Variants in TBX2 observed in about 807,000 individuals in gnomAD.
TBX2 encodes T-box transcription factor 2.
A neutral mutation model predicts 48.4 loss-of-function variants in TBX2; 19 were observed. The ratio of observed to expected loss-of-function variants is 0.39; its 90% CI spans 0.27 to 0.58. The LOEUF (loss-of-function observed/expected upper bound fraction) is 0.58. Among genes scored for constraint, TBX2 ranks in the 20% least tolerant of loss-of-function variants. The probability of loss-of-function intolerance (pLI) is 0.54; values close to 1 mark genes in which losing one functional copy is unlikely to be tolerated. For missense variants in TBX2, 994 were observed against 1,006.5 expected, an observed-to-expected ratio of 0.99 and a Z score of 0.17; for synonymous variants, 522 against 459.7, an observed-to-expected ratio of 1.14 and a Z score of -1.73.
intron 6 of TBX2, chr17:61,407,654 G>A (rs967320934): frequency 4.5e-5 from 8 of 179,476 alleles, no homozygotes; most frequent in South Asian, 1.8e-4. Context: ...AGGAGGGGTG[G>A]CGAGGACACT....
Position 61,403,417 on chromosome 17 carries a change from C to A in TBX2, c.810+210C>A, listed in dbSNP as rs935986143. On this transcript the variant is annotated intron_variant, in intron 3 of 6. Coordinates refer to ENST00000240328, the MANE Select transcript of TBX2 (RefSeq NM_005994.4). The surrounding 1 kb of genome is among the most constrained non-coding windows in gnomAD (Gnocchi z 5.8). ...CAATCCCACCGCGCGCACACACAGGCTCCCCTGGGGCGAGCGAACAGCTGG... is the reference window on the plus strand; with the variant it reads ...CAATCCCACCGCGCGCACACACAGGATCCCCTGGGGCGAGCGAACAGCTGG... 1.3e-5 allele frequency among the ~76,000 whole-genome samples: 2 copies of A among 152,272 alleles called. No individual in the cohort carries two copies. Among genetic ancestry groups the A allele is most frequent in the African/African-American group, 4.8e-5 (2 of 41,480 alleles).
Position 61,408,431 on chromosome 17 carries a change from G to T in TBX2, c.2064G>T (p.Leu688=), listed in dbSNP as rs1037683921. 10 of 1,526,916 alleles carry T rather than the reference G, an allele frequency of 6.5e-6. No individual in the cohort carries two copies. The African/African-American group carries it at 1.1e-4, about 17-fold the overall frequency. 94.6% of individuals were successfully genotyped at this position (1,526,916 alleles called of 1,614,324 possible). The change falls in exon 7 of 7, where the codon CTG becomes CTT. Residue 688 remains leucine, a synonymous_variant. Transcript: ENST00000240328. ...CGGCCAAGGAGGCGGCCAATGAACT[G>T]CAGAGCATCCAGAGACTGGTGAGTG... ...SGSAKEAANE[L]QSIQRLVSGL...
Position 61,401,960 on chromosome 17 carries a change from T to TG in TBX2, c.663+13dup. 2 of 1,583,098 alleles carry TG rather than the reference T, an allele frequency of 1.3e-6. No individual in the cohort carries two copies. Among genetic ancestry groups the TG allele is most frequent in the Non-Finnish European group, 1.7e-6 (2 of 1,163,312 alleles). Reference sequence around the variant, plus strand: ...CTGACAAGCACGGCTTCGTGAGTGTTGGGGCAGGGTGGGGACGGTGCAGGA... The same window carrying TG: ...CTGACAAGCACGGCTTCGTGAGTGTTGGGGGCAGGGTGGGGACGGTGCAGGA... On this transcript the variant is annotated intron_variant, in intron 2 of 6. Coordinates refer to ENST00000240328, the MANE Select transcript of TBX2 (RefSeq NM_005994.4).
chr17:61,403,024 G>C lies in TBX2; in HGVS notation c.664-37G>C, dbSNP rs182140577. 4.8e-5 allele frequency: 76 copies of C among 1,586,668 alleles called. No individual in the cohort carries two copies. The East Asian group carries it at 1.6e-3, about 32-fold the overall frequency. ...AAAGAATAGAAAAGCTCGGGCCGGGGCTGGTGGCTGCCGGCTGACCCCCAC... is the reference window on the plus strand; with the variant it reads ...AAAGAATAGAAAAGCTCGGGCCGGGCCTGGTGGCTGCCGGCTGACCCCCAC... On this transcript the variant is annotated intron_variant, in intron 2 of 6. Transcript: ENST00000240328. This position sits in a 1 kb window ranked among gnomAD's most constrained non-coding sequence, Gnocchi z 5.8.
At chr17:61,401,603 G>C in intron 1 of TBX2, 81 bp from the exon 2 acceptor site, 1 of 1,517,656 alleles carries the variant, frequency 6.6e-7, no homozygotes, top group Non-Finnish European at 8.8e-7. Flanking sequence ...GCAACGAGGA[G>C]GGATAAATAA....
Position 61,405,248 on chromosome 17 carries a change from G to A in TBX2, c.1098G>A (p.Arg366=). 6.4e-7 allele frequency: 1 copy of A among 1,572,872 alleles called. No individual in the cohort carries two copies. The highest frequency in any genetic ancestry group is 1.3e-5 in the African/African-American group (1 of 74,364). Residue 366 remains arginine (R), a synonymous_variant, in exon 6 of 7, where the codon CGG becomes CGA. Transcript: ENST00000240328. The part of the protein sequence containing the change: ...CAADSDPEPE[R]LSEERAGAPL... The stretch of plus-strand genomic sequence containing the variant: ...CGGACAGCGACCCGGAGCCTGAGCG[G>A]TTGAGCGAGGAGCGTGCGGGGGCGC...
At chr17:61,405,157 G>A in intron 5 of TBX2, 45 bp from the exon 6 acceptor site, 1 of 1,466,150 alleles carries the variant, frequency 6.8e-7, no homozygotes, top group East Asian at 2.5e-5. Context: ...CCTGCTCGTC[G>A]GCCTCCGCCC....
Position 61,400,404 on chromosome 17 carries a change from C to A in TBX2, c.228C>A (p.His76Gln), listed in dbSNP as rs549885020. ...CAGCAGCGGCCGAGGCGGGGCTGCACGTCTCGGCACTGGGCCCGCACCCGC... is the reference window on the plus strand; with the variant it reads ...CAGCAGCGGCCGAGGCGGGGCTGCAAGTCTCGGCACTGGGCCCGCACCCGC... ...AAAAAAEAGL[H>Q]VSALGPHPPA... is the part of the protein sequence containing the mutation. Residue 76 changes from histidine to glutamine, a missense_variant, in exon 1 of 7, where the codon CAC becomes CAA. Physicochemically the swap from His to Gln is conservative, Grantham distance 24. Around this residue, in one of 5 missense-constraint regions of TBX2, gnomAD observed 165 missense variants for 136.8 expected, o/e 1.21. Coordinates refer to ENST00000240328, the MANE Select transcript of TBX2 (RefSeq NM_005994.4). The surrounding 1 kb of genome is among the most constrained non-coding windows in gnomAD (Gnocchi z 9.2). The A allele has an allele frequency of 1.4e-4, 209 of 1,488,184 alleles. No individual in the cohort carries two copies. In the African/African-American group the frequency reaches 2.5e-3, roughly 18 times the overall value. The allele number at this position is 1,488,184 out of a possible 1,614,324, so 92.2% of individuals were successfully genotyped here.
intron 2 of TBX2, 96 bp from the exon 3 acceptor site, chr17:61,402,965 A>AGG (rs1244559451): frequency 0.012 from 2,290 of 186,066 alleles, 115 homozygotes; most frequent in African/African-American, 0.033. Flanking sequence ...AGAGAGAGAG[A>AGG]GAGAGAAAGT....
At position 61,408,435 on chromosome 17, in the gene TBX2, A is replaced by G; in HGVS notation, c.2068A>G (p.Ser690Gly). ...CAAGGAGGCGGCCAATGAACTGCAG[A>G]GCATCCAGAGACTGGTGAGTGGGCT... The part of the protein sequence containing the change: ...SAKEAANELQ[S>G]IQRLVSGLES... The change falls in exon 7 of 7, where the codon AGC (serine) becomes GGC (glycine). Residue 690 changes from serine (S) to glycine (G), a missense_variant. Physicochemically the swap from Ser to Gly is moderately conservative, Grantham distance 56 (BLOSUM62 0). Around this residue, in one of 5 missense-constraint regions of TBX2, gnomAD observed 639 missense variants for 613.2 expected, o/e 1.04. Transcript: ENST00000240328. 1 of 1,518,848 alleles carries G rather than the reference A, an allele frequency of 6.6e-7. No homozygotes were observed. The highest frequency in any genetic ancestry group is 8.8e-7 in the Non-Finnish European group (1 of 1,131,510). 94.1% of individuals were successfully genotyped at this position (1,518,848 alleles called of 1,614,324 possible).
Position 61,405,700 on chromosome 17 carries a change from G to C in TBX2, c.1550G>C (p.Gly517Ala), listed in dbSNP as rs537498833. 5.8e-6 allele frequency: 8 copies of C among 1,379,296 alleles called. No individual in the cohort carries two copies. Among genetic ancestry groups the C allele is most frequent in the Non-Finnish European group, 7.5e-6 (8 of 1,071,644 alleles). The allele number at this position is 1,379,296 out of a possible 1,614,324, so 85.4% of individuals were successfully genotyped here. Residue 517 changes from glycine to alanine, a missense_variant, in exon 6 of 7, where the codon GGC (glycine) becomes GCC (alanine). Physicochemically the swap from Gly to Ala is moderately conservative, Grantham distance 60 (BLOSUM62 0). Transcript: ENST00000240328. The stretch of plus-strand genomic sequence containing the variant: ...GGTCACCTACTGGCCTCGGTGGCAG[G>C]CGGCGGCAACGGCGGAGGTGGCGGG... ...GMGHLLASVA[G>A]GGNGGGGGPG...
At position 61,400,662 on chromosome 17, in the gene TBX2, G is replaced by A; in HGVS notation, c.395+91G>A. On this transcript the variant is annotated intron_variant, in intron 1 of 6. Coordinates refer to ENST00000240328, the MANE Select transcript of TBX2 (RefSeq NM_005994.4). This position sits in a 1 kb window ranked among gnomAD's most constrained non-coding sequence, Gnocchi z 9.2. ...GATCAGAGCAGAGCTGGGGACTCCC[G>A]GCTCCCGGCTCCCGGCTCCAGGTTC... The A allele has an allele frequency of 1.0e-5, 12 of 1,161,182 alleles. No individual in the cohort carries two copies. Among genetic ancestry groups the A allele is most frequent in the African/African-American group, 1.6e-5 (1 of 62,226 alleles). The allele number at this position is 1,161,182 out of a possible 1,614,324, so 71.9% of individuals were successfully genotyped here.
Position 61,403,235 on chromosome 17 carries a change from C to T in TBX2, c.810+28C>T. Reference sequence around the variant, plus strand: ...GCGCGCGGCGGGCGGTGGGCTAAGCCCCTGCACTGACGCCCCTCAACACGT... The same window carrying T: ...GCGCGCGGCGGGCGGTGGGCTAAGCTCCTGCACTGACGCCCCTCAACACGT... On this transcript the variant is annotated intron_variant, in intron 3 of 6. Coordinates refer to ENST00000240328, the MANE Select transcript of TBX2 (RefSeq NM_005994.4). The surrounding 1 kb of genome is among the most constrained non-coding windows in gnomAD (Gnocchi z 5.8). The T allele has an allele frequency of 6.2e-7, 1 of 1,608,044 alleles. No homozygotes were observed. The highest frequency in any genetic ancestry group is 8.5e-7 in the Non-Finnish European group (1 of 1,179,436).
chr17:61,405,211 AGTC>A lies in TBX2; in HGVS notation c.1064_1066del (p.Ser355del), dbSNP rs1225878314. On this transcript the variant is annotated inframe_deletion, in exon 6 of 7. Coordinates refer to ENST00000240328, the MANE Select transcript of TBX2 (RefSeq NM_005994.4). Reference sequence around the variant, plus strand: ...CGCCCTCTCCCCGCAGCTGAGGAGAAGTCGTGCGCCGCGGACAGCGACCCGGAG... The same window carrying A: ...CGCCCTCTCCCCGCAGCTGAGGAGAAGTGCGCCGCGGACAGCGACCCGGAG... 2 of 1,538,902 alleles carry A rather than the reference AGTC, an allele frequency of 1.3e-6. No homozygotes were observed. The highest frequency in any genetic ancestry group is 3.9e-5 in the Admixed American group (2 of 51,130).
At position 61,403,929 on chromosome 17, in the gene TBX2, G is replaced by T. The variant is rs1331135184; in HGVS notation, c.811-492G>T. Among the ~76,000 whole-genome samples, 4 of 152,278 alleles carry T rather than the reference G, an allele frequency of 2.6e-5. No individual in the cohort carries two copies. Among genetic ancestry groups the T allele is most frequent in the African/African-American group, 9.6e-5 (4 of 41,566 alleles). ...GGGCTGTGCGTGCCCCGTTTGGGGT[G>T]TGTTGGATACCTGTGGAGGCATGTG... On this transcript the variant is annotated intron_variant, in intron 3 of 6. Transcript: ENST00000240328. This position sits in a 1 kb window ranked among gnomAD's most constrained non-coding sequence, Gnocchi z 5.8.
chr17:61,404,537 C>T, intron 4 of TBX2, 40 bp downstream of exon 4: 1 of 1,588,536 alleles, frequency 6.3e-7, no homozygotes, highest in Non-Finnish European at 8.6e-7. Context: ...CGGGTGCCCG[C>T]GGGAGCAGCG....
At position 61,400,278 on chromosome 17, in the gene TBX2, G is replaced by A; in HGVS notation, c.102G>A (p.Gln34=). The part of the protein sequence containing the change: ...FPMSAFLAAA[Q]PSFFPALALP... ...TGTCCGCCTTTCTGGCGGCGGCGCA[G>A]CCCTCCTTCTTCCCGGCACTCGCGC... The change falls in exon 1 of 7, where the codon CAG becomes CAA. Residue 34 remains glutamine (Q), a synonymous_variant. Coordinates refer to ENST00000240328, the MANE Select transcript of TBX2 (RefSeq NM_005994.4). This position sits in a 1 kb window ranked among gnomAD's most constrained non-coding sequence, Gnocchi z 9.2. The A allele has an allele frequency of 8.5e-7, 1 of 1,177,074 alleles. No homozygotes were observed. 72.9% of individuals were successfully genotyped at this position (1,177,074 alleles called of 1,614,324 possible). A position where few individuals can be genotyped will look rare whatever the true frequency, so the allele number is the denominator to read the frequency against.
chr17:61,404,658 G>C lies in TBX2; in HGVS notation c.940G>C (p.Glu314Gln). 1 of 1,588,728 alleles carries C rather than the reference G, an allele frequency of 6.3e-7. No homozygotes were observed. Among genetic ancestry groups the C allele is most frequent in the South Asian group, 1.1e-5 (1 of 88,032 alleles). Residue 314 changes from glutamate to glutamine, a missense_variant, in exon 5 of 7, where the codon GAG becomes CAG. Physicochemically the swap from Glu to Gln is conservative, Grantham distance 29. Around this residue, in one of 5 missense-constraint regions of TBX2, gnomAD observed 639 missense variants for 613.2 expected, o/e 1.04. Coordinates refer to ENST00000240328, the MANE Select transcript of TBX2 (RefSeq NM_005994.4). The stretch of plus-strand genomic sequence containing the variant: ...CTTGTACGAGGAGCACTGCAAACCC[G>C]AGCGCGATGGCGCGGAGTCAGACGC... Reference protein sequence around the residue: ...LRLYEEHCKPERDGAESDASS... With the variant: ...LRLYEEHCKPQRDGAESDASS...
At chr17:61,407,629 T>G in intron 6 of TBX2, 1 of 166,938 alleles carries the variant, frequency 6.0e-6, no homozygotes, top group Non-Finnish European at 1.3e-5. Flanking sequence ...CCTCTGCCCT[T>G]CAGAGCCTGC....
Sources: allele counts gnomAD v4.1 joint callset (sites outside exome capture counted in the v4.1 genomes callset), GRCh38; gene constraint gnomAD v4.1.1; regional missense constraint gnomAD v4.1.1; non-coding constraint Gnocchi (gnomAD v3.1); transcripts MANE v1.5; gene names NCBI Gene and HGNC (gene_info 2026-07-23, HGNC 2026-07-21).